The following PODN variants were observed in gnomAD, a reference collection of about 807,000 sequenced individuals.
PODN encodes podocan proteoglycan.
PODN carries 40 observed loss-of-function variants against 52.7 expected under a neutral mutation model. The observed-to-expected ratio is 0.76, with a 90% confidence interval of 0.59 to 0.99. The LOEUF (loss-of-function observed/expected upper bound fraction) is 0.99, where lower values mean the gene tolerates loss of function less well. PODN is among the 50% of genes least tolerant of loss of function. The probability of loss-of-function intolerance (pLI) is 0.00; values close to 1 mark genes in which losing one functional copy is unlikely to be tolerated. For missense variants in PODN, 720 were observed against 815.1 expected (o/e 0.88, Z 1.42); for synonymous variants, 396 against 377.9 (o/e 1.05, Z -0.56).
chr1:53,077,546 G>A (rs887924761), intron 6 of PODN, 139 bp from the exon 7 acceptor site: 3 of 1,128,984 alleles, frequency 2.7e-6, no homozygotes, highest in African/African-American at 3.1e-5. Flanking sequence ...TGTGGCGTTG[G>A]TGGCCCCACA....
At chr1:53,076,843 G>A (rs1050391328) in intron 5 of PODN, among the ~76,000 whole-genome samples, 2 of 152,182 alleles carry the variant, frequency 1.3e-5, no homozygotes, top group Non-Finnish European at 1.5e-5. Flanking sequence ...GCCAGGCTGC[G>A]TGGGGTTGAC....
chr1:53,077,069 CTG>C, intron 5 of PODN, 119 bp from the exon 6 acceptor site: 2 of 1,278,212 alleles, frequency 1.6e-6, no homozygotes, highest in Admixed American at 4.2e-5. Context: ...GCTTCTAACT[CTG>C]TACCCTTGAG....
At chr1:53,062,421 C>A in intron 1 of PODN, 113 bp downstream of exon 1, 2 of 768,402 alleles carry the variant, frequency 2.6e-6, no homozygotes, top group East Asian at 3.5e-5. Flanking sequence ...GGGGCGGGCC[C>A]GCCGCATCTC....
rs768395304 is a variant in PODN, at chr1:53,080,892, C to T, written c.1661+16C>T. 24 of 1,613,026 alleles carry T rather than the reference C, an allele frequency of 1.5e-5. No homozygotes were observed. The highest frequency in any genetic ancestry group is 1.6e-4 in the Middle Eastern group (1 of 6,080). ...TCTTTCTCAGGTAGGAGCCCACTCG[C>T]GGCCCTGTACACACCCCCGTGGGGC... On this transcript the variant is annotated intron_variant, in intron 9 of 10. Coordinates refer to ENST00000312553, the MANE Select transcript of PODN (RefSeq NM_153703.5).
chr1:53,069,790 G>A lies in PODN; in HGVS notation c.-55-11G>A, dbSNP rs1187282543. On this transcript the variant is annotated splice_polypyrimidine_tract_variant and intron_variant, in intron 1 of 10. Coordinates refer to ENST00000312553, the MANE Select transcript of PODN (RefSeq NM_153703.5). Reference sequence around the variant, plus strand: ...TTCGAGGGCCCCAGCTGTGTCCACTGTACCTCACAGGTTCCGTCAGCCCTG... The same window carrying A: ...TTCGAGGGCCCCAGCTGTGTCCACTATACCTCACAGGTTCCGTCAGCCCTG... 1 of 1,571,914 alleles carries A rather than the reference G, an allele frequency of 6.4e-7. No homozygotes were observed. Among genetic ancestry groups the A allele is most frequent in the Non-Finnish European group, 8.6e-7 (1 of 1,160,194 alleles).
intron 5 of PODN, among the ~76,000 whole-genome samples, chr1:53,076,930 A>G (rs1644202690): frequency 6.6e-6 from 1 of 152,164 alleles, no homozygotes; most frequent in Non-Finnish European, 1.5e-5. Context: ...AGACCTTGAA[A>G]GGCGTGGAGG....
rs148954257 is a variant in PODN, at chr1:53,078,547, G to A, written c.1037G>A (p.Arg346Gln). Residue 346 changes from arginine (R) to glutamine (Q), a missense_variant, in exon 8 of 11, where the codon CGG (arginine) becomes CAG (glutamine). Arg to Gln is a conservative substitution (Grantham distance 43). Transcript: ENST00000312553. ...CTGCTGCTGCACAGCAACCAGCTGC[G>A]GGAGCAGGGCATCCACCCACTGGCC... ...EYLLLHSNQL[R>Q]EQGIHPLAFQ... is the part of the protein sequence containing the mutation. 7.6e-4 allele frequency: 1,226 copies of A among 1,613,158 alleles called. 2 individuals carry two copies. Among genetic ancestry groups the A allele is most frequent in the Admixed American group, 2.7e-3 (165 of 60,024 alleles).
At chr1:53,077,085 G>C in intron 5 of PODN, 105 bp from the exon 6 acceptor site, 1 of 1,387,894 alleles carries the variant, frequency 7.2e-7, no homozygotes, top group Non-Finnish European at 9.9e-7. Flanking sequence ...CCTTGAGTTT[G>C]GATGGAAGGA....
Position 53,062,416 on chromosome 1 carries a change from G to C in PODN, c.-56+108G>C, listed in dbSNP as rs951186129. ...GATGGCTCCAGCAGCTGCCTGGGGC[G>C]GGCCCGCCGCATCTCACCCCCTCTG... On this transcript the variant is annotated intron_variant, in intron 1 of 10. Transcript: ENST00000312553. The C allele has an allele frequency of 1.5e-5, 13 of 854,352 alleles. No individual in the cohort carries two copies. In the African/African-American group the frequency reaches 2.0e-4, roughly 13 times the overall value. The allele number at this position is 854,352 out of a possible 1,614,324, so 52.9% of individuals were successfully genotyped here.
Position 53,078,572 on chromosome 1 carries a change from C to T in PODN, c.1062C>T (p.Ala354=), listed in dbSNP as rs148075876. The change falls in exon 8 of 11, where the codon GCC becomes GCT. Residue 354 remains alanine (A), a synonymous_variant. Transcript: ENST00000312553. Reference sequence around the variant, plus strand: ...GGGAGCAGGGCATCCACCCACTGGCCTTCCAGGGCCTCAAGCGGTTGCACA... The same window carrying T: ...GGGAGCAGGGCATCCACCCACTGGCTTTCCAGGGCCTCAAGCGGTTGCACA... ...QLREQGIHPL[A]FQGLKRLHTV... The T allele has an allele frequency of 1.3e-4, 212 of 1,613,098 alleles. No individual in the cohort carries two copies. In the African/African-American group the frequency reaches 2.4e-3, roughly 18 times the overall value.
At chr1:53,079,247 G>A (rs1644249291) in intron 8 of PODN, among the ~76,000 whole-genome samples, 1 of 152,210 alleles carries the variant, frequency 6.6e-6, no homozygotes. Context: ...AGAGGGTGTG[G>A]CTGGCATGCC....
chr1:53,078,679 A>G lies in PODN; in HGVS notation c.1169A>G (p.Asn390Ser). ...RRVRTLMILH[N>S]QITGIGREDF... ...GTGCGCACCCTCATGATCCTGCACA[A>G]CCAGATCACAGGCATTGGCCGCGAA... The change falls in exon 8 of 11, where the codon AAC (asparagine) becomes AGC (serine). Residue 390 changes from asparagine to serine, a missense_variant. Transcript: ENST00000312553. The G allele has an allele frequency of 6.2e-7, 1 of 1,613,304 alleles. No individual in the cohort carries two copies. The highest frequency in any genetic ancestry group is 8.5e-7 in the Non-Finnish European group (1 of 1,179,982).
chr1:53,072,997 G>A (rs12145611), intron 3 of PODN: 71,382 of 217,004 alleles, frequency 0.33, 14,446 homozygotes, highest in Non-Finnish European at 0.45. Flanking sequence ...GGGAGGCGGA[G>A]GTTGCAGTGA....
intron 5 of PODN, among the ~76,000 whole-genome samples, 161 bp downstream of exon 5, chr1:53,076,132 G>A (rs539875197): frequency 1.3e-5 from 2 of 152,310 alleles, no homozygotes; most frequent in South Asian, 2.1e-4. Context: ...AGGACAACTC[G>A]GGCCAGGAGG....
chr1:53,064,230 T>C (rs905475465), intron 1 of PODN, among the ~76,000 whole-genome samples: 4 of 152,228 alleles, frequency 2.6e-5, no homozygotes, highest in African/African-American at 7.2e-5. Context: ...CACTCCATGC[T>C]TGGGGAGACA....
Position 53,063,933 on chromosome 1 carries a change from C to A in PODN, c.-56+1625C>A, listed in dbSNP as rs537556652. ...CCCTGTTGACCCTTCCTTAAACACA[C>A]GTCCCTCTCCTCTAGCCCCACCCCT... On this transcript the variant is annotated intron_variant, in intron 1 of 10. Coordinates refer to ENST00000312553, the MANE Select transcript of PODN (RefSeq NM_153703.5). Among the ~76,000 whole-genome samples the A allele has an allele frequency of 2.2e-4, 34 of 152,252 alleles. No homozygotes were observed. The South Asian group carries it at 6.2e-3, about 28-fold the overall frequency.
intron 1 of PODN, among the ~76,000 whole-genome samples, chr1:53,064,325 G>T (rs1644002761): frequency 6.6e-6 from 1 of 152,246 alleles, no homozygotes. Flanking sequence ...CAGCCAAGGG[G>T]GCAGGAGAGG....
At chr1:53,066,244 GTC>G (rs1644032107) in intron 1 of PODN, among the ~76,000 whole-genome samples, 1 of 151,942 alleles carries the variant, frequency 6.6e-6, no homozygotes, top group South Asian at 2.1e-4. Flanking sequence ...TGATCTACCT[GTC>G]TCAGCCTCCC....
At chr1:53,074,342 C>T (rs1276281574) in intron 3 of PODN, among the ~76,000 whole-genome samples, 1 of 152,230 alleles carries the variant, frequency 6.6e-6, no homozygotes, top group Non-Finnish European at 1.5e-5. Context: ...TGCTGCTGGC[C>T]TGACCTCTCA....
Sources: allele counts gnomAD v4.1 joint callset (sites outside exome capture counted in the v4.1 genomes callset), GRCh38; gene constraint gnomAD v4.1.1; transcripts MANE v1.5; gene names NCBI Gene and HGNC (gene_info 2026-07-23, HGNC 2026-07-21).